The following OLFML2B variants were observed in gnomAD, a reference collection of about 807,000 sequenced individuals.
OLFML2B encodes olfactomedin-like protein 2B.
In OLFML2B, 57 loss-of-function variants were observed where a neutral mutation model predicts 74.9. That is an observed-to-expected ratio of 0.76 (90% CI 0.61 to 0.95). The LOEUF is 0.95. Among genes scored for constraint, OLFML2B ranks in the 40% least tolerant of loss-of-function variants. The pLI, the probability that OLFML2B is intolerant of heterozygous loss-of-function variation, is 0.00. For missense variants in OLFML2B, 986 were observed against 970.6 expected, an observed-to-expected ratio of 1.02 and a Z score of -0.21; for synonymous variants, 388 against 405.8, an observed-to-expected ratio of 0.96 and a Z score of 0.53.
chr1:162,001,801 T>C (rs1272508310), intron 4 of OLFML2B, among the ~76,000 whole-genome samples: 1 of 152,216 alleles, frequency 6.6e-6, no homozygotes, highest in Non-Finnish European at 1.5e-5. Context: ...GGATTGAGGC[T>C]CCCTAATATT....
Position 161,997,984 on chromosome 1 carries a change from G to C in OLFML2B, c.1315C>G (p.Pro439Ala), listed in dbSNP as rs757061196. 4 of 1,614,198 alleles carry C rather than the reference G, an allele frequency of 2.5e-6. No individual in the cohort carries two copies. In the South Asian group the frequency reaches 3.3e-5, roughly 13 times the overall value. ...PAAPAPPAVS[P>A]REALMEAMHT... ...ATAGCTTCCATCAATGCCTCCCTGG[G>C]AGACACTGCCGGAGGAGCTGGGGCT... Residue 439 changes from proline (P) to alanine (A), a missense_variant, in exon 6 of 8, where the codon CCC becomes GCC. Coordinates refer to ENST00000294794, the MANE Select transcript of OLFML2B (RefSeq NM_015441.3).
At chr1:161,990,655 A>T (rs573362620) in intron 6 of OLFML2B, among the ~76,000 whole-genome samples, 3 of 152,212 alleles carry the variant, frequency 2.0e-5, no homozygotes, top group Non-Finnish European at 4.4e-5. Flanking sequence ...AGAGGAGTGG[A>T]TGCTGAAGGC....
At chr1:162,008,761 T>C (rs1279545416) in intron 3 of OLFML2B, among the ~76,000 whole-genome samples, 1 of 152,124 alleles carries the variant, frequency 6.6e-6, no homozygotes, top group Non-Finnish European at 1.5e-5. Flanking sequence ...TGTGTACACA[T>C]TAAAGTTTGA....
At chr1:162,014,597 G>C (rs368638187) in intron 3 of OLFML2B, among the ~76,000 whole-genome samples, 1 of 152,324 alleles carries the variant, frequency 6.6e-6, no homozygotes, top group East Asian at 1.9e-4. Context: ...CTGCAGAACC[G>C]AGCTGGAGAG....
At chr1:162,017,024 T>C (rs904083646) in intron 3 of OLFML2B, among the ~76,000 whole-genome samples, 1 of 152,100 alleles carries the variant, frequency 6.6e-6, no homozygotes, top group Non-Finnish European at 1.5e-5. Flanking sequence ...TTAAGAGAAA[T>C]TAGGAACCAT....
rs1246930050 is a variant in OLFML2B at position 162,000,344 on chromosome 1, C to T, written c.724-6G>A. The T allele has an allele frequency of 1.2e-6, 2 of 1,610,580 alleles. No individual in the cohort carries two copies. Among genetic ancestry groups the T allele is most frequent in the South Asian group, 1.1e-5 (1 of 90,846 alleles). On this transcript the variant is annotated splice_region_variant and splice_polypyrimidine_tract_variant and intron_variant, in intron 4 of 7. Coordinates refer to ENST00000294794, the MANE Select transcript of OLFML2B (RefSeq NM_015441.3). ...TGCAGAAACCGCTCTTCATACTGCT[C>T]CTCAGAGGGGACACAAGGGAAGGTC...
intron 2 of OLFML2B, among the ~76,000 whole-genome samples, chr1:162,019,355 T>C (rs1312762365): frequency 6.6e-6 from 1 of 152,150 alleles, no homozygotes; most frequent in Non-Finnish European, 1.5e-5. Context: ...AAAACCCAGC[T>C]TGTTCCACTA....
chr1:162,000,590 A>C (rs1056273905), intron 4 of OLFML2B, among the ~76,000 whole-genome samples: 10 of 152,250 alleles, frequency 6.6e-5, no homozygotes, highest in African/African-American at 2.4e-4. Context: ...AGGTTACATA[A>C]ATTTCCCAAG....
Position 161,984,868 on chromosome 1 carries a change from G to A in OLFML2B, c.1587C>T (p.Tyr529=), listed in dbSNP as rs138789156. 5.5e-4 allele frequency: 891 copies of A among 1,612,762 alleles called. 2 individuals carry two copies. In the Middle Eastern group the frequency reaches 0.011, roughly 21 times the overall value. The part of the protein sequence containing the change: ...KDPLAKDERI[Y]VTNYYYGNTL... ...TGTTGCCGTAGTAATAGTTGGTTAC[G>A]TAAATCCGCTCATCCTTGGCCAGGG... is the stretch of plus-strand genomic sequence containing the variant. Residue 529 remains tyrosine (Y), a synonymous_variant, in exon 7 of 8, where the codon TAC becomes TAT. Transcript: ENST00000294794.
Position 161,983,786 on chromosome 1 carries a change from G to A in OLFML2B, c.2142C>T (p.Phe714=), listed in dbSNP as rs370069120. 1.7e-5 allele frequency: 28 copies of A among 1,614,094 alleles called. No individual in the cohort carries two copies. Among genetic ancestry groups the A allele is most frequent in the East Asian group, 2.2e-5 (1 of 44,880 alleles). Residue 714 remains phenylalanine, a synonymous_variant, in exon 8 of 8, where the codon TTC becomes TTT. Transcript: ENST00000294794. ...TNTQIVPRLL[F]ENEYSYTTQI... The stretch of plus-strand genomic sequence containing the variant: ...GGGTCGTATAGGAATACTCATTCTC[G>A]AACAGCAGCCTGGGGACGATCTGTG...
chr1:162,002,343 C>T (rs1174688943), intron 4 of OLFML2B, among the ~76,000 whole-genome samples: 1 of 152,168 alleles, frequency 6.6e-6, no homozygotes, highest in East Asian at 1.9e-4. Context: ...GAGTGAGCTC[C>T]CTTTAATCTT....
At chr1:162,007,826 C>T (rs1031360138) in intron 3 of OLFML2B, among the ~76,000 whole-genome samples, 2 of 152,136 alleles carry the variant, frequency 1.3e-5, no homozygotes, top group African/African-American at 4.8e-5. Context: ...ACCTGGCTCC[C>T]GAACCATCAG....
At position 162,016,029 on chromosome 1, in the gene OLFML2B, G is replaced by A. The variant is rs557946769; in HGVS notation, c.546+1371C>T. On this transcript the variant is annotated intron_variant, in intron 3 of 7. Transcript: ENST00000294794. ...AGCATTGGAGGAGCTAAGCCCAAGG[G>A]CGGGTGGAAAAGGAACTAGTGTTCA... Among the ~76,000 whole-genome samples, 16 of 152,346 alleles carry A rather than the reference G, an allele frequency of 1.1e-4. No individual in the cohort carries two copies. In the South Asian group the frequency reaches 3.1e-3, roughly 30 times the overall value.
In OLFML2B at chr1:162,022,241, C is replaced by CGTCTTTT. The variant is rs1690725073; in HGVS notation, c.174+1015_174+1016insAAAAGAC. On this transcript the variant is annotated intron_variant, in intron 1 of 7. Coordinates refer to ENST00000294794, the MANE Select transcript of OLFML2B (RefSeq NM_015441.3). ...ACGCCCTGGCTCTACCCATGTATCT[C>CGTCTTTT]TTCTTTTTTTTTTTTTTTTTTTTTT... 3.2e-4 allele frequency among the ~76,000 whole-genome samples: 31 copies of CGTCTTTT among 98,226 alleles called. 1 individual carries two copies. The highest frequency in any genetic ancestry group is 1.8e-3 in the Admixed American group (13 of 7,300). The allele number at this position is 98,226 out of a possible 152,430, so 64.4% of individuals were successfully genotyped here.
chr1:162,017,315 T>TA (rs1690567695), intron 3 of OLFML2B, 85 bp downstream of exon 3: 1 of 962,132 alleles, frequency 1.0e-6, no homozygotes, highest in Admixed American at 1.9e-5. Context: ...TCAGCACATG[T>TA]GCTAGCTGAA....
At chr1:162,005,900 A>ATC in intron 4 of OLFML2B, among the ~76,000 whole-genome samples, 1 of 99,178 alleles carries the variant, frequency 1.0e-5, no homozygotes, top group South Asian at 3.5e-4. Flanking sequence ...GCTGGAACCT[A>ATC]TCAAAAAAAA....
chr1:162,019,873 C>G (rs1343054513), intron 2 of OLFML2B, 46 bp downstream of exon 2: 2 of 1,597,084 alleles, frequency 1.3e-6, no homozygotes, highest in Non-Finnish European at 1.7e-6. Flanking sequence ...TTGTGGATCT[C>G]AAAAGTGCCC....
chr1:162,006,615 G>T, intron 3 of OLFML2B, 142 bp from the exon 4 acceptor site: 1 of 665,424 alleles, frequency 1.5e-6, no homozygotes, highest in Non-Finnish European at 2.5e-6. Flanking sequence ...GCTAGAGAGT[G>T]TGCCCAGCCC....
At chr1:162,022,197 C>A (rs12127268) in intron 1 of OLFML2B, among the ~76,000 whole-genome samples, 1 of 150,456 alleles carries the variant, frequency 6.6e-6, no homozygotes, top group Admixed American at 6.6e-5. Flanking sequence ...GACATGAGAT[C>A]TGGGCTGAAG....
Sources: gnomAD v4.1 joint callset for allele counts (sites outside exome capture counted in the v4.1 genomes callset) on GRCh38, gnomAD v4.1.1 for gene constraint, MANE v1.5 for transcripts, NCBI Gene and HGNC (gene_info 2026-07-23, HGNC 2026-07-21) for gene names.